SLC39A9: variants seen among roughly 807,000 people sequenced by gnomAD.
SLC39A9 encodes solute carrier family 39 member 9.
Under a neutral mutation model 28.4 loss-of-function variants are expected in SLC39A9, and 14 were observed. The observed-to-expected ratio is 0.49, with a 90% CI of 0.33 to 0.77. SLC39A9 has a LOEUF of 0.77. SLC39A9 is among the 30% of genes least tolerant of loss of function. The pLI is 0.02. For missense variants in SLC39A9, 283 were observed against 381.1 expected (o/e 0.74, Z 2.14); for synonymous variants, 119 against 149.6 (o/e 0.80, Z 1.49).
chr14:69,447,829 C>CTTGA (rs1345723692), intron 3 of SLC39A9, among the ~76,000 whole-genome samples: 4 of 151,120 alleles, frequency 2.6e-5, no homozygotes. Context: ...GGGAGGGTAG[C>CTTGA]TTGAGACCAG....
intron 2 of SLC39A9, chr14:69,428,731 C>T (rs964653452): frequency 1.3e-5 from 2 of 152,472 alleles, no homozygotes; most frequent in African/African-American, 4.8e-5. Context: ...AAAGCAATGG[C>T]TACTGAGAAG....
intron 1 of SLC39A9, among the ~76,000 whole-genome samples, chr14:69,413,349 C>T (rs1883383717): frequency 1.3e-5 from 2 of 151,478 alleles, no homozygotes; most frequent in Non-Finnish European, 2.9e-5. Context: ...GAGCGAGACT[C>T]CGTCTCAAAA....
intron 1 of SLC39A9, among the ~76,000 whole-genome samples, chr14:69,409,800 A>G (rs1453555480): frequency 2.6e-5 from 4 of 152,208 alleles, no homozygotes; most frequent in African/African-American, 9.6e-5. Context: ...TTTCAGGGAT[A>G]GAATGATGGG....
Position 69,399,401 on chromosome 14 carries a change from C to G in SLC39A9, c.32C>G (p.Ser11Cys), listed in dbSNP as rs1270901394. ...GATTTCATCTCCATTAGCCTGCTGT[C>G]TCTGGCTATGTTGGTGGGATGTTAC... MDDFISISLL[S>C]LAMLVGCYVA... The change falls in exon 1 of 7, where the codon TCT becomes TGT. Residue 11 changes from serine to cysteine, a missense_variant. Transcript: ENST00000336643. The G allele has an allele frequency of 1.9e-6, 3 of 1,614,092 alleles. No individual in the cohort carries two copies. Among genetic ancestry groups the G allele is most frequent in the Non-Finnish European group, 2.5e-6 (3 of 1,179,986 alleles).
rs577142821 is a variant in SLC39A9, at chr14:69,460,798, T to G, written c.*2205T>G. 2 of 985,484 alleles carry G rather than the reference T, an allele frequency of 2.0e-6. No homozygotes were observed. The highest frequency in any genetic ancestry group is 1.2e-4 in the Admixed American group (2 of 16,290). 61.0% of individuals were successfully genotyped at this position (985,484 alleles called of 1,614,324 possible). A position where few individuals can be genotyped will look rare whatever the true frequency, so the allele number is the denominator to read the frequency against. On this transcript the variant is annotated 3_prime_UTR_variant, in exon 7 of 7. Transcript: ENST00000336643. ...GGGCCCTCTTAGCTCTCAGAAGCTA[T>G]GTATGGGCTTTCCCAGATTTTAAAG...
chr14:69,453,094 T>C lies in SLC39A9; in HGVS notation c.404-147T>C, dbSNP rs566475666. On this transcript the variant is annotated intron_variant, in intron 3 of 6. Transcript: ENST00000336643. ...GCTCACGCCTATCATCTCAACACTT[T>C]GGGAGGGTGAGGCGGGCGGATCATT... The C allele has an allele frequency of 1.0e-3, 668 of 670,530 alleles. 4 individuals carry two copies. Among genetic ancestry groups the C allele is most frequent in the South Asian group, 5.7e-3 (346 of 60,792 alleles). The allele number at this position is 670,530 out of a possible 1,614,324, so 41.5% of individuals were successfully genotyped here.
intron 3 of SLC39A9, among the ~76,000 whole-genome samples, chr14:69,449,272 A>G (rs1594946445): frequency 6.6e-6 from 1 of 152,284 alleles, no homozygotes; most frequent in South Asian, 2.1e-4. Context: ...CTCTGGCTGT[A>G]TCACACAGTT....
intron 3 of SLC39A9, among the ~76,000 whole-genome samples, chr14:69,442,614 A>G (rs1171371123): frequency 6.6e-6 from 1 of 152,254 alleles, no homozygotes; most frequent in Non-Finnish European, 1.5e-5. Flanking sequence ...AAAACATAGT[A>G]CATAAGATCA....
chr14:69,421,832 G>T lies in SLC39A9; in HGVS notation c.97-2262G>T, dbSNP rs187589394. Among the ~76,000 whole-genome samples the T allele has an allele frequency of 1.3e-3, 205 of 152,314 alleles. 2 individuals are homozygous for T. The highest frequency in any genetic ancestry group is 4.0e-4 in the Non-Finnish European group (27 of 68,030). ...AGCAAGGAGCGGGATATAATCTCCT[G>T]GTGTGCCGTTTGTTAAGACTGTTGG... On this transcript the variant is annotated intron_variant, in intron 1 of 6. Transcript: ENST00000336643.
intron 1 of SLC39A9, among the ~76,000 whole-genome samples, chr14:69,418,411 G>A (rs1883691733): frequency 6.6e-6 from 1 of 151,910 alleles, no homozygotes; most frequent in Non-Finnish European, 1.5e-5. Context: ...TGTTCATCAG[G>A]GATATTGGTC....
At chr14:69,417,231 C>G (rs975100450) in intron 1 of SLC39A9, among the ~76,000 whole-genome samples, 2 of 152,146 alleles carry the variant, frequency 1.3e-5, no homozygotes, top group Non-Finnish European at 2.9e-5. Context: ...AATAGTGAAT[C>G]CTTTCCCCAT....
intron 1 of SLC39A9, among the ~76,000 whole-genome samples, chr14:69,404,332 C>G (rs966551036): frequency 6.6e-6 from 1 of 152,220 alleles, no homozygotes; most frequent in Admixed American, 6.5e-5. Flanking sequence ...TCAAAAGGGA[C>G]TGTCTGAGAC....
intron 3 of SLC39A9, among the ~76,000 whole-genome samples, chr14:69,444,128 T>A (rs962322485): frequency 6.6e-6 from 1 of 150,674 alleles, no homozygotes; most frequent in African/African-American, 2.4e-5. Context: ...TGAGACTACA[T>A]TGAGCCACGA....
chr14:69,403,792 C>T (rs542177751), intron 1 of SLC39A9, among the ~76,000 whole-genome samples: 1 of 152,276 alleles, frequency 6.6e-6, no homozygotes, highest in Admixed American at 6.5e-5. Context: ...GCCTGTAATC[C>T]CAGCACTTTG....
chr14:69,410,139 T>G (rs993999379), intron 1 of SLC39A9, among the ~76,000 whole-genome samples: 12 of 152,212 alleles, frequency 7.9e-5, no homozygotes, highest in Admixed American at 7.9e-4. Flanking sequence ...AGAAAGGAAT[T>G]TTATGCAAAA....
intron 1 of SLC39A9, among the ~76,000 whole-genome samples, chr14:69,405,500 C>T (rs1030388501): frequency 1.3e-5 from 2 of 152,010 alleles, no homozygotes; most frequent in African/African-American, 4.8e-5. Context: ...ACCTGTAATC[C>T]CAGTGCTTTA....
At chr14:69,421,767 G>C (rs139213776) in intron 1 of SLC39A9, among the ~76,000 whole-genome samples, 17 of 152,176 alleles carry the variant, frequency 1.1e-4, no homozygotes, top group Non-Finnish European at 1.9e-4. Flanking sequence ...GGACTGCTGC[G>C]CTAGCAGTGA....
chr14:69,451,064 T>C lies in SLC39A9; in HGVS notation c.404-2177T>C, dbSNP rs186730754. On this transcript the variant is annotated intron_variant, in intron 3 of 6. Coordinates refer to ENST00000336643, the MANE Select transcript of SLC39A9 (RefSeq NM_018375.5). Reference sequence around the variant, plus strand: ...AATTGTTTAAGATCCTAAGTATAACTGGATGATAAGCCTTTGTATAAAAAA... The same window carrying C: ...AATTGTTTAAGATCCTAAGTATAACCGGATGATAAGCCTTTGTATAAAAAA... Among the ~76,000 whole-genome samples, 304 of 152,348 alleles carry C rather than the reference T, an allele frequency of 2.0e-3. 1 individual carries two copies. The highest frequency in any genetic ancestry group is 7.0e-3 in the African/African-American group (293 of 41,590).
intron 2 of SLC39A9, among the ~76,000 whole-genome samples, chr14:69,427,279 C>G (rs1347879737): frequency 6.6e-6 from 1 of 152,088 alleles, no homozygotes; most frequent in Non-Finnish European, 1.5e-5. Flanking sequence ...GCTGGGATTA[C>G]AGGTGTGAGC....
Sources: allele counts gnomAD v4.1 joint callset (sites outside exome capture counted in the v4.1 genomes callset), GRCh38; gene constraint gnomAD v4.1.1; transcripts MANE v1.5; gene names NCBI Gene and HGNC (gene_info 2026-07-23, HGNC 2026-07-21).